DSCAM: variants seen among roughly 807,000 people sequenced by gnomAD.
DSCAM encodes cell adhesion molecule DSCAM.
A neutral mutation model predicts 217.7 loss-of-function variants in DSCAM; 47 were observed. The ratio of observed to expected loss-of-function variants is 0.22; its 90% CI spans 0.17 to 0.28. The LOEUF (loss-of-function observed/expected upper bound fraction) is 0.28. Ranked by LOEUF, DSCAM falls within the 10% of genes least tolerant of loss-of-function variation. DSCAM has a pLI of 1.00. For missense variants in DSCAM, 2,080 were observed against 2,618.3 expected, an observed-to-expected ratio of 0.79 and a Z score of 4.49; for synonymous variants, 1,056 against 1,015.3, an observed-to-expected ratio of 1.04 and a Z score of -0.76.
intron 1 of DSCAM, among the ~76,000 whole-genome samples, chr21:40,728,935 T>C (rs181884204): frequency 8.6e-5 from 13 of 151,674 alleles, no homozygotes; most frequent in Non-Finnish European, 1.5e-4. Context: ...CCAAGTGTGC[T>C]CCTTCACTCA....
intron 3 of DSCAM, among the ~76,000 whole-genome samples, chr21:40,443,466 C>G (rs1232116446): frequency 6.6e-6 from 1 of 152,094 alleles, no homozygotes; most frequent in Non-Finnish European, 1.5e-5. Context: ...TTACAGGATT[C>G]CATTCATGGT....
At chr21:40,727,106 C>T (rs2090963432) in intron 1 of DSCAM, among the ~76,000 whole-genome samples, 1 of 152,180 alleles carries the variant, frequency 6.6e-6, no homozygotes, top group African/African-American at 2.4e-5. Context: ...CAAAATAAGA[C>T]ATTCTCACCT....
intron 1 of DSCAM, among the ~76,000 whole-genome samples, chr21:40,827,037 GAATT>G (rs996467104): frequency 2.0e-5 from 3 of 152,074 alleles, no homozygotes; most frequent in Non-Finnish European, 4.4e-5. Flanking sequence ...AGAGGGGTAA[GAATT>G]AATCCCTGGA....
intron 20 of DSCAM, among the ~76,000 whole-genome samples, chr21:40,120,258 C>G (rs1039030176): frequency 6.6e-6 from 1 of 152,228 alleles, no homozygotes; most frequent in Non-Finnish European, 1.5e-5. Flanking sequence ...ATGTGAATCA[C>G]AGCTCAGAGA....
chr21:40,070,290 G>C (rs1428664936), intron 27 of DSCAM, among the ~76,000 whole-genome samples: 2 of 132,322 alleles, frequency 1.5e-5, no homozygotes, highest in Non-Finnish European at 3.3e-5. Flanking sequence ...GGGAGGGAGG[G>C]AGGGAAGGAG....
intron 3 of DSCAM, among the ~76,000 whole-genome samples, chr21:40,391,446 T>G (rs939974133): frequency 1.3e-5 from 2 of 152,240 alleles, no homozygotes; most frequent in Admixed American, 1.3e-4. Flanking sequence ...AACCATCAAC[T>G]TAGTTTGATC....
At chr21:40,692,780 T>C (rs1185148363) in intron 3 of DSCAM, 30 bp downstream of exon 3, 1 of 1,581,084 alleles carries the variant, frequency 6.3e-7, no homozygotes, top group East Asian at 2.3e-5. Context: ...GTGAGCGTGG[T>C]GTCCTGCACC....
intron 18 of DSCAM, among the ~76,000 whole-genome samples, chr21:40,134,823 GAA>G (rs1427490286): frequency 2.0e-5 from 3 of 152,064 alleles, no homozygotes; most frequent in Non-Finnish European, 4.4e-5. Context: ...ATTTAAATAA[GAA>G]AAAAATACAC....
chr21:40,152,267 C>G (rs568855949), intron 16 of DSCAM, among the ~76,000 whole-genome samples: 1 of 152,306 alleles, frequency 6.6e-6, no homozygotes, highest in East Asian at 1.9e-4. Flanking sequence ...TATTTACAAA[C>G]AACCGACTTC....
intron 32 of DSCAM, among the ~76,000 whole-genome samples, chr21:40,020,547 G>GGA (rs1248009960): frequency 2.3e-3 from 344 of 151,644 alleles, no homozygotes; most frequent in South Asian, 4.0e-3. Flanking sequence ...GAGAGAGAGA[G>GGA]GAGAGAGATA....
intron 3 of DSCAM, among the ~76,000 whole-genome samples, chr21:40,564,629 C>T (rs1255787690): frequency 6.6e-6 from 1 of 152,094 alleles, no homozygotes; most frequent in Non-Finnish European, 1.5e-5. Context: ...CCACTTTGTT[C>T]CTTTCTCTAG....
At chr21:40,155,851 G>A (rs9982079) in intron 16 of DSCAM, among the ~76,000 whole-genome samples, 56,094 of 151,596 alleles carry the variant, frequency 0.37, 10,702 homozygotes, top group East Asian at 0.52. Context: ...ATGAGAAAAG[G>A]CAGGAAAGGA....
At position 40,108,264 on chromosome 21, in the gene DSCAM, C is replaced by T. The variant is rs953140070; in HGVS notation, c.3697-14390G>A. 3.9e-5 allele frequency among the ~76,000 whole-genome samples: 6 copies of T among 152,112 alleles called. 1 individual carries two copies. The highest frequency in any genetic ancestry group is 3.9e-4 in the Admixed American group (6 of 15,270). ...GCATGATTCCATATCTAGAAAATGC[C>T]ATCATCTCAGCCCAAAAGCTTCTTA... On this transcript the variant is annotated intron_variant, in intron 20 of 32. Transcript: ENST00000400454.
chr21:40,026,831 A>G (rs1002587633), intron 32 of DSCAM, among the ~76,000 whole-genome samples: 3 of 145,426 alleles, frequency 2.1e-5, no homozygotes, highest in South Asian at 2.1e-4. Flanking sequence ...TCTTTATCCA[A>G]TTTGCCAGTC....
chr21:40,030,879 G>A (rs1424760077), intron 32 of DSCAM, among the ~76,000 whole-genome samples: 1 of 152,126 alleles, frequency 6.6e-6, no homozygotes, highest in African/African-American at 2.4e-5. Flanking sequence ...TAAGCCCTTT[G>A]CCTGAAATAA....
At chr21:40,811,701 A>T (rs1162032845) in intron 1 of DSCAM, among the ~76,000 whole-genome samples, 1 of 152,212 alleles carries the variant, frequency 6.6e-6, no homozygotes, top group Non-Finnish European at 1.5e-5. Flanking sequence ...GAGAGCAGTT[A>T]ACTCAGCTTT....
At chr21:40,295,344 C>G (rs968277507) in intron 10 of DSCAM, among the ~76,000 whole-genome samples, 2 of 152,274 alleles carry the variant, frequency 1.3e-5, no homozygotes, top group East Asian at 1.9e-4. Context: ...AGAAGCCACC[C>G]TAATGAACAG....
intron 3 of DSCAM, among the ~76,000 whole-genome samples, chr21:40,586,300 G>A (rs939372924): frequency 6.6e-6 from 1 of 152,160 alleles, no homozygotes; most frequent in Admixed American, 6.5e-5. Context: ...AGAACCATAA[G>A]CCAAATGAAC....
intron 3 of DSCAM, among the ~76,000 whole-genome samples, chr21:40,449,124 C>T (rs1381635385): frequency 6.6e-6 from 1 of 152,108 alleles, no homozygotes; most frequent in Non-Finnish European, 1.5e-5. Context: ...TGTAGTCACG[C>T]CTCCCTCTGA....
Sources: gnomAD v4.1 joint callset for allele counts (sites outside exome capture counted in the v4.1 genomes callset) on GRCh38, gnomAD v4.1.1 for gene constraint, MANE v1.5 for transcripts, NCBI Gene and HGNC (gene_info 2026-07-23, HGNC 2026-07-21) for gene names.